The following PDE5A variants were observed in gnomAD, a reference collection of about 807,000 sequenced individuals.
PDE5A encodes phosphodiesterase 5A.
A neutral mutation model predicts 110.2 loss-of-function variants in PDE5A; 67 were observed. The observed-to-expected ratio is 0.61, with a 90% CI of 0.50 to 0.75. The LOEUF (loss-of-function observed/expected upper bound fraction) is 0.75, where lower values mean the gene tolerates loss of function less well. PDE5A is among the 30% of genes least tolerant of loss of function. The pLI, the probability that PDE5A is intolerant of heterozygous loss-of-function variation, is 0.00. For synonymous variants in PDE5A, 328 were observed against 351.2 expected (o/e 0.93, Z 0.74); for missense variants, 862 against 1,045.1 (o/e 0.82, Z 2.42).
chr4:119,580,125 T>A (rs1728536845), intron 3 of PDE5A, among the ~76,000 whole-genome samples: 1 of 152,062 alleles, frequency 6.6e-6, no homozygotes, highest in Admixed American at 6.5e-5. Flanking sequence ...GAGACTGGGG[T>A]TCTTCCCCAC....
Position 119,542,591 on chromosome 4 carries a change from C to T in PDE5A, c.1440G>A (p.Lys480=). 1 of 1,613,944 alleles carries T rather than the reference C, an allele frequency of 6.2e-7. No individual in the cohort carries two copies. The highest frequency in any genetic ancestry group is 1.7e-5 in the Admixed American group (1 of 59,986). Residue 480 remains lysine (K), a synonymous_variant, in exon 10 of 21, where the codon AAG becomes AAA. Coordinates refer to ENST00000354960, the MANE Select transcript of PDE5A (RefSeq NM_001083.4). ...LVNKMEENTG[K]VKPFNRNDEQ... ...CGTCATTTCGGTTGAAAGGCTTAAC[C>T]TTGCCAGTATTCTCCTCCATCTTAT...
chr4:119,505,943 T>TAA lies in PDE5A; in HGVS notation c.2190-13_2190-12dup. 6.8e-7 allele frequency: 1 copy of TAA among 1,480,138 alleles called. No individual in the cohort carries two copies. Among genetic ancestry groups the TAA allele is most frequent in the Non-Finnish European group, 9.2e-7 (1 of 1,088,598 alleles). The allele number at this position is 1,480,138 out of a possible 1,614,324, so 91.7% of individuals were successfully genotyped here. ...AATTCTCCTCGCCTCCTACAATGTTTAAAAAAAAATTGTTAGTTATAATGA... is the reference window on the plus strand; with the variant it reads ...AATTCTCCTCGCCTCCTACAATGTTTAAAAAAAAAAATTGTTAGTTATAATGA... On this transcript the variant is annotated splice_polypyrimidine_tract_variant and intron_variant, in intron 16 of 20. Transcript: ENST00000354960.
In PDE5A at chr4:119,495,339, C is replaced by T. The variant is rs201191372; in HGVS notation, c.*3262G>A. The T allele has an allele frequency of 1.2e-4, 19 of 152,204 alleles. 1 individual carries two copies. The South Asian group carries it at 3.5e-3, about 28-fold the overall frequency. The allele number at this position is 152,204 out of a possible 1,614,324, so 9.4% of individuals were successfully genotyped here. A position where few individuals can be genotyped will look rare whatever the true frequency, so the allele number is the denominator to read the frequency against. On this transcript the variant is annotated 3_prime_UTR_variant, in exon 21 of 21. Coordinates refer to ENST00000354960, the MANE Select transcript of PDE5A (RefSeq NM_001083.4). ...CAATAAAAGGTGGGTCAGTGTATTT[C>T]TGATACAAAACAATTAAATTGTGCC...
intron 3 of PDE5A, 151 bp from the exon 4 acceptor site, chr4:119,567,295 G>C (rs931498328): frequency 3.4e-6 from 2 of 588,816 alleles, no homozygotes; most frequent in Non-Finnish European, 6.1e-6. Flanking sequence ...CAGCATTTGA[G>C]CAAGCTTTAC....
rs1022024801 is a variant in PDE5A at position 119,565,938 on chromosome 4, T to C, written c.904-528A>G. On this transcript the variant is annotated intron_variant, in intron 4 of 20. Transcript: ENST00000354960. Reference sequence around the variant, plus strand: ...GTTTCTAATTATATTAATTATTGATTGACTATTAATTATTATTAATTAATA... The same window carrying C: ...GTTTCTAATTATATTAATTATTGATCGACTATTAATTATTATTAATTAATA... Among the ~76,000 whole-genome samples the C allele has an allele frequency of 8.8e-5, 13 of 147,514 alleles. No homozygotes were observed. The East Asian group carries it at 2.0e-3, about 22-fold the overall frequency.
At chr4:119,545,759 T>C (rs1035567960) in intron 9 of PDE5A, among the ~76,000 whole-genome samples, 5 of 152,194 alleles carry the variant, frequency 3.3e-5, no homozygotes, top group Non-Finnish European at 7.3e-5. Flanking sequence ...CCTGGCTCTT[T>C]GGCAGAACAG....
chr4:119,563,152 T>C (rs1198723580), intron 5 of PDE5A, among the ~76,000 whole-genome samples, 182 bp from the exon 6 acceptor site: 2 of 152,178 alleles, frequency 1.3e-5, no homozygotes, highest in African/African-American at 4.8e-5. Flanking sequence ...ATAGTTAATA[T>C]AGTTGTTAAG....
intron 3 of PDE5A, among the ~76,000 whole-genome samples, chr4:119,594,263 C>G (rs1422718495): frequency 6.6e-6 from 1 of 152,190 alleles, no homozygotes; most frequent in Non-Finnish European, 1.5e-5. Context: ...CTGTTGCATT[C>G]TCATCAGTTC....
At position 119,565,341 on chromosome 4, in the gene PDE5A, G is replaced by C. The variant is rs759646086; in HGVS notation, c.973C>G (p.Leu325Val). ...CTGACCTGATTTCTCTTGTTCTCCA[G>C]CAGTGAAGTCTCATAGAGCTGAGCA... The part of the protein sequence containing the change: ...HNAQLYETSL[L>V]ENKRNQVLLD... Residue 325 changes from leucine (L) to valine (V), a missense_variant, in exon 5 of 21, where the codon CTG becomes GTG. Transcript: ENST00000354960. 2 of 1,610,052 alleles carry C rather than the reference G, an allele frequency of 1.2e-6. No homozygotes were observed. Among genetic ancestry groups the C allele is most frequent in the South Asian group, 2.2e-5 (2 of 90,894 alleles).
At chr4:119,579,402 C>T (rs899050834) in intron 3 of PDE5A, among the ~76,000 whole-genome samples, 6 of 152,082 alleles carry the variant, frequency 3.9e-5, no homozygotes, top group East Asian at 1.9e-4. Flanking sequence ...ATGTTTATTG[C>T]GGCACTATTC....
At chr4:119,522,228 C>T (rs1310123542) in intron 12 of PDE5A, among the ~76,000 whole-genome samples, 1 of 152,040 alleles carries the variant, frequency 6.6e-6, no homozygotes, top group Non-Finnish European at 1.5e-5. Flanking sequence ...TGTCTCCTAA[C>T]CTTTTTACCC....
At chr4:119,518,071 G>A (rs878921080) in intron 14 of PDE5A, among the ~76,000 whole-genome samples, 2 of 152,146 alleles carry the variant, frequency 1.3e-5, no homozygotes, top group African/African-American at 4.8e-5. Context: ...GGACATGGTT[G>A]TTACATCACT....
chr4:119,567,636 C>G (rs112101077), intron 3 of PDE5A, among the ~76,000 whole-genome samples: 4,575 of 152,206 alleles, frequency 0.03, 89 homozygotes, highest in South Asian at 0.066. Flanking sequence ...AAAAATAATT[C>G]TTAATGTAGG....
chr4:119,606,647 T>C (rs886815465), intron 2 of PDE5A, 62 bp downstream of exon 2: 1 of 1,183,834 alleles, frequency 8.4e-7, no homozygotes, highest in Non-Finnish European at 1.2e-6. Context: ...CCAGCCATAG[T>C]ACCCGCCCCA....
At chr4:119,523,701 C>T (rs1399090472) in intron 12 of PDE5A, among the ~76,000 whole-genome samples, 1 of 151,964 alleles carries the variant, frequency 6.6e-6, no homozygotes, top group African/African-American at 2.4e-5. Flanking sequence ...TCTTCATTAC[C>T]TAACCCTCAA....
intron 11 of PDE5A, among the ~76,000 whole-genome samples, chr4:119,537,362 C>T (rs1208008119): frequency 6.6e-6 from 1 of 151,992 alleles, no homozygotes; most frequent in African/African-American, 2.4e-5. Context: ...ACTGCGTTCT[C>T]AATAATCACT....
chr4:119,610,245 T>G (rs1223321373), intron 1 of PDE5A, among the ~76,000 whole-genome samples: 3 of 152,188 alleles, frequency 2.0e-5, no homozygotes, highest in African/African-American at 4.8e-5. Flanking sequence ...AGAATTGCAC[T>G]AATAGTGCCA....
At chr4:119,548,203 C>T (rs1014233951) in intron 9 of PDE5A, 41 of 152,084 alleles carry the variant, frequency 2.7e-4, no homozygotes, top group South Asian at 8.3e-4. Context: ...CACCCGCCAC[C>T]GCGCCCGGCT....
At chr4:119,589,125 A>C (rs1005580416) in intron 3 of PDE5A, among the ~76,000 whole-genome samples, 2 of 151,950 alleles carry the variant, frequency 1.3e-5, no homozygotes, top group Non-Finnish European at 2.9e-5. Context: ...TTCAGAGAAA[A>C]TTCTTGAGGA....
Sources: allele counts gnomAD v4.1 joint callset (sites outside exome capture counted in the v4.1 genomes callset), GRCh38; gene constraint gnomAD v4.1.1; transcripts MANE v1.5; gene names NCBI Gene and HGNC (gene_info 2026-07-23, HGNC 2026-07-21).